Variants in CDH13 observed in about 807,000 individuals in gnomAD.
CDH13 encodes the protein cadherin-13.
In CDH13, 24 loss-of-function variants were observed where a neutral mutation model predicts 63.8. The ratio of observed to expected loss-of-function variants is 0.38; its 90% CI spans 0.27 to 0.53. CDH13 has a LOEUF of 0.53. Among genes scored for constraint, CDH13 ranks in the 20% least tolerant of loss-of-function variants. The pLI is 0.85. For missense variants in CDH13, 1,049 were observed against 903.1 expected, an observed-to-expected ratio of 1.16 and a Z score of -2.07; for synonymous variants, 503 against 355.3, an observed-to-expected ratio of 1.42 and a Z score of -4.67.
intron 2 of CDH13, among the ~76,000 whole-genome samples, chr16:83,011,569 G>A (rs555301904): frequency 7.9e-5 from 12 of 152,232 alleles, no homozygotes; most frequent in South Asian, 4.2e-4. Flanking sequence ...TCAACCGGGC[G>A]GTAAAACGTG....
chr16:82,697,026 G>A (rs2030382975), intron 1 of CDH13, among the ~76,000 whole-genome samples: 1 of 152,142 alleles, frequency 6.6e-6, no homozygotes, highest in Non-Finnish European at 1.5e-5. Flanking sequence ...ATATCCCAGA[G>A]AGAAAACCAA....
intron 7 of CDH13, among the ~76,000 whole-genome samples, chr16:83,492,835 T>A (rs958935471): frequency 6.6e-6 from 1 of 152,176 alleles, no homozygotes; most frequent in Non-Finnish European, 1.5e-5. Flanking sequence ...GAAGAAGACC[T>A]TGATGAGTCT....
intron 1 of CDH13, among the ~76,000 whole-genome samples, chr16:82,805,167 C>G (rs981877605): frequency 1.3e-5 from 2 of 152,226 alleles, no homozygotes; most frequent in East Asian, 3.9e-4. Context: ...GCCCCCAGGT[C>G]CATGTGTCCT....
intron 3 of CDH13, among the ~76,000 whole-genome samples, chr16:83,101,564 G>A (rs2034480060): frequency 6.6e-6 from 1 of 152,044 alleles, no homozygotes; most frequent in African/African-American, 2.4e-5. Flanking sequence ...AGACCGAGGT[G>A]GGTGGAATCA....
chr16:82,723,629 G>A (rs763640640), intron 1 of CDH13, among the ~76,000 whole-genome samples: 1 of 152,168 alleles, frequency 6.6e-6, no homozygotes, highest in Non-Finnish European at 1.5e-5. Context: ...ATGACAGCAA[G>A]GAGTTGTCAA....
chr16:83,427,458 C>A (rs1200761085), intron 6 of CDH13, among the ~76,000 whole-genome samples: 8 of 152,158 alleles, frequency 5.3e-5, no homozygotes, highest in Non-Finnish European at 1.2e-4. Flanking sequence ...AACGAATTCT[C>A]TTCTGGAGCC....
At chr16:82,774,896 G>A (rs1404673087) in intron 1 of CDH13, among the ~76,000 whole-genome samples, 1 of 152,190 alleles carries the variant, frequency 6.6e-6, no homozygotes, top group Non-Finnish European at 1.5e-5. Context: ...TCTTCCTATA[G>A]CTGCAGCTGA....
intron 7 of CDH13, among the ~76,000 whole-genome samples, chr16:83,555,950 A>C (rs2075592068): frequency 6.6e-6 from 1 of 152,228 alleles, no homozygotes; most frequent in Non-Finnish European, 1.5e-5. Context: ...TGGGCTCATT[A>C]GAGATAGACA....
rs181752603 is a variant in CDH13 at position 83,051,103 on chromosome 16, T to C, written c.366+18885T>C. Among the ~76,000 whole-genome samples the C allele has an allele frequency of 2.0e-5, 3 of 152,242 alleles. No individual in the cohort carries two copies. The East Asian group carries it at 5.8e-4, about 29-fold the overall frequency. On this transcript the variant is annotated intron_variant, in intron 3 of 13. Coordinates refer to ENST00000567109, the MANE Select transcript of CDH13 (RefSeq NM_001257.5). ...GATCCAATCTGCGTGCCTGTTACTATCTAATTGACTTCCCAAAGAATAACT... is the reference window on the plus strand; with the variant it reads ...GATCCAATCTGCGTGCCTGTTACTACCTAATTGACTTCCCAAAGAATAACT...
intron 3 of CDH13, among the ~76,000 whole-genome samples, chr16:83,045,589 A>G (rs1389293057): frequency 6.7e-6 from 1 of 149,236 alleles, no homozygotes; most frequent in African/African-American, 2.5e-5. Flanking sequence ...GTGATCCAAG[A>G]TCACGCCACT....
intron 2 of CDH13, among the ~76,000 whole-genome samples, chr16:82,975,958 A>T (rs969053224): frequency 6.6e-6 from 1 of 152,164 alleles, no homozygotes; most frequent in African/African-American, 2.4e-5. Context: ...GGACTAAATA[A>T]TGCATGAAGG....
rs370208379 is a variant in CDH13 at position 83,496,486 on chromosome 16, T to A, written c.960+9831T>A. On this transcript the variant is annotated intron_variant, in intron 7 of 13. Coordinates refer to ENST00000567109, the MANE Select transcript of CDH13 (RefSeq NM_001257.5). ...AGAAAGCTGAAACTGGATCCCTTCCTTACACCTTATACAAAAATCAATTCA... is the reference window on the plus strand; with the variant it reads ...AGAAAGCTGAAACTGGATCCCTTCCATACACCTTATACAAAAATCAATTCA... 1.4e-3 allele frequency among the ~76,000 whole-genome samples: 212 copies of A among 151,702 alleles called. 5 individuals carry two copies. In the South Asian group the frequency reaches 0.041, roughly 29 times the overall value.
chr16:83,484,758 A>G (rs1486080929), intron 6 of CDH13, among the ~76,000 whole-genome samples: 3 of 152,232 alleles, frequency 2.0e-5, no homozygotes, highest in African/African-American at 7.2e-5. Context: ...AAACATGTGA[A>G]TAAAGTATTG....
intron 7 of CDH13, among the ~76,000 whole-genome samples, chr16:83,581,512 G>A (rs1450182511): frequency 6.6e-6 from 1 of 151,828 alleles, no homozygotes; most frequent in Non-Finnish European, 1.5e-5. Context: ...GTCTTCTCAG[G>A]CCACCCTATT....
chr16:83,452,677 A>C (rs540362579), intron 6 of CDH13, among the ~76,000 whole-genome samples: 1 of 152,332 alleles, frequency 6.6e-6, no homozygotes, highest in Admixed American at 6.5e-5. Context: ...AGAAGCTTGC[A>C]ATTAAATAGA....
chr16:82,792,841 G>C (rs549757070), intron 1 of CDH13, among the ~76,000 whole-genome samples: 2 of 152,336 alleles, frequency 1.3e-5, no homozygotes, highest in South Asian at 2.1e-4. Context: ...CATCATTCCA[G>C]ACTACAAAGT....
At chr16:83,776,264 T>A (rs757187802) in intron 11 of CDH13, among the ~76,000 whole-genome samples, 4 of 152,228 alleles carry the variant, frequency 2.6e-5, no homozygotes, top group Non-Finnish European at 5.9e-5. Flanking sequence ...CTTGTCTTCA[T>A]AATATATTCA....
At chr16:83,376,995 A>T (rs1166711538) in intron 6 of CDH13, among the ~76,000 whole-genome samples, 2 of 152,074 alleles carry the variant, frequency 1.3e-5, no homozygotes, top group Non-Finnish European at 1.5e-5. Flanking sequence ...AGGATGACAT[A>T]CTGTATGAAC....
intron 6 of CDH13, among the ~76,000 whole-genome samples, chr16:83,362,194 C>G (rs769695046): frequency 6.6e-6 from 1 of 152,186 alleles, no homozygotes; most frequent in Non-Finnish European, 1.5e-5. Flanking sequence ...CAGGAGCCCA[C>G]CAGTGATTCA....
Sources: allele counts gnomAD v4.1 joint callset (sites outside exome capture counted in the v4.1 genomes callset), GRCh38; gene constraint gnomAD v4.1.1; transcripts MANE v1.5; gene names NCBI Gene and HGNC (gene_info 2026-07-23, HGNC 2026-07-21).